CYTH2: variants seen among roughly 807,000 people sequenced by gnomAD.
CYTH2 encodes the protein cytohesin-2.
A neutral mutation model predicts 55.4 loss-of-function variants in CYTH2; 24 were observed. The ratio of observed to expected loss-of-function variants is 0.43; its 90% CI spans 0.31 to 0.61. The LOEUF (loss-of-function observed/expected upper bound fraction) is 0.61. CYTH2 is among the 20% of genes least tolerant of loss of function. The pLI is 0.08. For missense variants in CYTH2, 378 were observed against 533.5 expected (o/e 0.71, Z 2.87); for synonymous variants, 221 against 209.6 (o/e 1.05, Z -0.47).
Position 48,478,411 on chromosome 19 carries a change from C to A in CYTH2, c.958-27C>A, listed in dbSNP as rs767072279. The A allele has an allele frequency of 5.0e-6, 8 of 1,613,200 alleles. No homozygotes were observed. The South Asian group carries it at 8.8e-5, about 18-fold the overall frequency. ...CTCCTCTGCCCAGGGCTGGTTCTTA[C>A]CTGCGCCCTTCCTCTCTCGTCCCCA... On this transcript the variant is annotated intron_variant, in intron 10 of 11. Transcript: ENST00000452733.
chr19:48,479,011 G>A, intron 11 of CYTH2, 112 bp from the exon 12 acceptor site: 5 of 1,082,942 alleles, frequency 4.6e-6, no homozygotes, highest in East Asian at 2.4e-5. Flanking sequence ...CTGGACTCCT[G>A]GGTCTGAGGG....
At chr19:48,472,495 C>A in intron 4 of CYTH2, 52 bp downstream of exon 4, 1 of 1,424,698 alleles carries the variant, frequency 7.0e-7, no homozygotes, top group East Asian at 2.4e-5. Context: ...CCCCCCAGAC[C>A]CAGCTCCTGC....
intron 4 of CYTH2, chr19:48,472,938 G>A: frequency 3.1e-6 from 1 of 324,580 alleles, no homozygotes; most frequent in Non-Finnish European, 5.9e-6. Context: ...GATCTGGGGT[G>A]CTTGGGAAGC....
intron 3 of CYTH2, among the ~76,000 whole-genome samples, chr19:48,471,536 G>A (rs1971793942): frequency 6.6e-6 from 1 of 152,160 alleles, no homozygotes; most frequent in African/African-American, 2.4e-5. Context: ...ACCCAAAGAA[G>A]AATTAGATGC....
At chr19:48,475,669 C>T in intron 8 of CYTH2, 1 of 178,460 alleles carries the variant, frequency 5.6e-6, no homozygotes, top group Non-Finnish European at 1.2e-5. Context: ...GGTTCTCAGC[C>T]CTGGCTGTAC....
chr19:48,469,698 GC>G, intron 1 of CYTH2, 172 bp downstream of exon 1: 1 of 1,068,040 alleles, frequency 9.4e-7, no homozygotes, highest in Non-Finnish European at 1.3e-6. Flanking sequence ...GGGCCCGAAA[GC>G]CGGGCGTTCC....
At chr19:48,472,750 G>A (rs1375094675) in intron 4 of CYTH2, 3 of 420,166 alleles carry the variant, frequency 7.1e-6, no homozygotes, top group East Asian at 5.3e-5. Context: ...CTTGAGAACC[G>A]TGGGTAGACC....
chr19:48,470,278 G>A, intron 1 of CYTH2, 75 bp from the exon 2 acceptor site: 1 of 1,533,036 alleles, frequency 6.5e-7, no homozygotes, highest in Admixed American at 2.0e-5. Context: ...TCCCAGCTCT[G>A]TCCGCCCCCA....
rs1445005325 is a variant in CYTH2 at position 48,474,737 on chromosome 19, C to G, written c.697-101C>G. 1 of 972,936 alleles carries G rather than the reference C, an allele frequency of 1.0e-6. No homozygotes were observed. The highest frequency in any genetic ancestry group is 1.6e-6 in the Non-Finnish European group (1 of 615,654). 60.3% of individuals were successfully genotyped at this position (972,936 alleles called of 1,614,324 possible). ...CTCCCCACTACCCCTCTCTCTTCCC[C>G]ACTATGAGTCATCCCATCCCTGGTC... On this transcript the variant is annotated intron_variant, in intron 7 of 11. Coordinates refer to ENST00000452733, the MANE Select transcript of CYTH2 (RefSeq NM_004228.7). The surrounding 1 kb of genome is among the most constrained non-coding windows in gnomAD (Gnocchi z 4.9).
Position 48,474,134 on chromosome 19 carries a change from T to G in CYTH2, c.548-48T>G, listed in dbSNP as rs567141309. On this transcript the variant is annotated intron_variant, in intron 6 of 11. Transcript: ENST00000452733. The surrounding 1 kb of genome is among the most constrained non-coding windows in gnomAD (Gnocchi z 4.9). ...CCTGGGTCCTGGGGAATGGGGGCAC[T>G]GGGGACTGACATGCCTGGGTCGTCA... 6.4e-7 allele frequency: 1 copy of G among 1,556,358 alleles called. No individual in the cohort carries two copies. The highest frequency in any genetic ancestry group is 8.7e-7 in the Non-Finnish European group (1 of 1,149,948).
At chr19:48,473,185 C>A in intron 4 of CYTH2, 113 bp from the exon 5 acceptor site, 1 of 1,149,970 alleles carries the variant, frequency 8.7e-7, no homozygotes, top group Non-Finnish European at 1.3e-6. Flanking sequence ...TCACCCTCGG[C>A]AGTGGGCAGC....
At position 48,470,356 on chromosome 19, in the gene CYTH2, C is replaced by T. The variant is rs766679604; in HGVS notation, c.23C>T (p.Pro8Leu). Residue 8 changes from proline (P) to leucine (L), a missense_variant, in exon 2 of 12, where the codon CCC becomes CTC. Coordinates refer to ENST00000452733, the MANE Select transcript of CYTH2 (RefSeq NM_004228.7). ...AAACCTTGACCCCGATCCCTAGAAC[C>T]CCCAGACCTGACTCCGGAGGAGCGG... MEDGVYE[P>L]PDLTPEERME... is the part of the protein sequence containing the mutation. 1.9e-6 allele frequency: 3 copies of T among 1,610,702 alleles called. No individual in the cohort carries two copies. Among genetic ancestry groups the T allele is most frequent in the Non-Finnish European group, 1.7e-6 (2 of 1,178,140 alleles).
In CYTH2 at chr19:48,473,290, C is replaced by A; in HGVS notation, c.354-8C>A. 6.2e-7 allele frequency: 1 copy of A among 1,613,986 alleles called. No individual in the cohort carries two copies. The highest frequency in any genetic ancestry group is 8.5e-7 in the Non-Finnish European group (1 of 1,179,918). On this transcript the variant is annotated splice_region_variant and splice_polypyrimidine_tract_variant and intron_variant, in intron 4 of 11. Transcript: ENST00000452733. Reference sequence around the variant, plus strand: ...CAAACTGTATGTGTCTTTGTCCCATCCTTCCAGGGAAGAACTGAACCTGGC... The same window carrying A: ...CAAACTGTATGTGTCTTTGTCCCATACTTCCAGGGAAGAACTGAACCTGGC...
rs1971874868 is a variant in CYTH2 at position 48,474,727 on chromosome 19, C to T, written c.697-111C>T. 1.1e-6 allele frequency: 1 copy of T among 884,554 alleles called. No individual in the cohort carries two copies. Among genetic ancestry groups the T allele is most frequent in the Admixed American group, 2.3e-5 (1 of 44,054 alleles). The allele number at this position is 884,554 out of a possible 1,614,324, so 54.8% of individuals were successfully genotyped here. A position where few individuals can be genotyped will look rare whatever the true frequency, so the allele number is the denominator to read the frequency against. On this transcript the variant is annotated intron_variant, in intron 7 of 11. Coordinates refer to ENST00000452733, the MANE Select transcript of CYTH2 (RefSeq NM_004228.7). The surrounding 1 kb of genome is among the most constrained non-coding windows in gnomAD (Gnocchi z 4.9). Reference sequence around the variant, plus strand: ...CTTCCCTCTCCTCCCCACTACCCCTCTCTCTTCCCCACTATGAGTCATCCC... The same window carrying T: ...CTTCCCTCTCCTCCCCACTACCCCTTTCTCTTCCCCACTATGAGTCATCCC...
In CYTH2 at chr19:48,470,498, C is replaced by G; in HGVS notation, c.165C>G (p.Gly55=). The G allele has an allele frequency of 6.2e-7, 1 of 1,613,592 alleles. No individual in the cohort carries two copies. The highest frequency in any genetic ancestry group is 8.5e-7 in the Non-Finnish European group (1 of 1,179,626). ...SEVEGLEANE[G]SKTLQRNRKM... ...TGGAGGGGCTGGAGGCCAATGAGGG[C>G]AGGTGAGGGCTGGGGCGGATGACCT... Residue 55 remains glycine, a splice_region_variant and synonymous_variant, in exon 2 of 12, where the codon GGC becomes GGG. Coordinates refer to ENST00000452733, the MANE Select transcript of CYTH2 (RefSeq NM_004228.7).
chr19:48,477,643 T>C lies in CYTH2; in HGVS notation c.809-426T>C, dbSNP rs557356908. On this transcript the variant is annotated intron_variant, in intron 8 of 11. Transcript: ENST00000452733. ...ACCCTGTTTCTGTCGCCTGCGGCTC[T>C]TGGGGGTGCTCCATTCTCCCGCCTT... is the stretch of plus-strand genomic sequence containing the variant. 4.8e-5 allele frequency: 9 copies of C among 186,192 alleles called. No homozygotes were observed. In the East Asian group the frequency reaches 9.7e-4, roughly 20 times the overall value. 11.5% of individuals were successfully genotyped at this position (186,192 alleles called of 1,614,324 possible). A position where few individuals can be genotyped will look rare whatever the true frequency, so the allele number is the denominator to read the frequency against.
At chr19:48,473,066 C>G in intron 4 of CYTH2, 1 of 535,510 alleles carries the variant, frequency 1.9e-6, no homozygotes, top group South Asian at 2.1e-5. Context: ...CCCAACTGTA[C>G]AAAGGTCTGG....
chr19:48,473,164 A>C (rs765668218), intron 4 of CYTH2, 134 bp from the exon 5 acceptor site: 73 of 896,286 alleles, frequency 8.1e-5, no homozygotes, highest in Non-Finnish European at 1.2e-4. Flanking sequence ...GTGGGAGTCC[A>C]GCAGGAAACT....
intron 4 of CYTH2, 75 bp downstream of exon 4, chr19:48,472,518 A>C: frequency 1.7e-6 from 2 of 1,179,852 alleles, no homozygotes; most frequent in Non-Finnish European, 2.4e-6. Context: ...TCACACTGGC[A>C]GCTCACAGGT....
Sources: gnomAD v4.1 joint callset for allele counts (sites outside exome capture counted in the v4.1 genomes callset) on GRCh38, gnomAD v4.1.1 for gene constraint, Gnocchi (gnomAD v3.1) non-coding constraint, MANE v1.5 for transcripts, NCBI Gene and HGNC (gene_info 2026-07-23, HGNC 2026-07-21) for gene names.